The following RPL15 variants were observed in gnomAD, a reference collection of about 807,000 sequenced individuals.
The protein encoded by RPL15 is ribosomal protein L15.
For synonymous variants in RPL15, 97 were observed against 95.1 expected, an observed-to-expected ratio of 1.02 and a Z score of -0.12; for missense variants, 161 against 271.8, an observed-to-expected ratio of 0.59 and a Z score of 2.87.
downstream of RPL15, chr3:23,921,857 G>A (rs1334197730): frequency 3.6e-5 from 18 of 503,388 alleles, no homozygotes; most frequent in East Asian, 2.4e-4. Context: ...TTACAGGCGT[G>A]AGCCACCACC....
chr3:23,916,924 C>A (rs1042950150), upstream of RPL15: 1 of 152,716 alleles, frequency 6.5e-6, no homozygotes, highest in Admixed American at 6.5e-5. Flanking sequence ...TCGCCGCCAA[C>A]TCTCTCACCT....
intron 1 of RPL15, 187 bp from the exon 2 acceptor site, chr3:23,917,663 G>A: frequency 1.7e-6 from 1 of 585,944 alleles, no homozygotes; most frequent in Non-Finnish European, 3.0e-6. Flanking sequence ...TGGGGTTGCG[G>A]AAGTGACTGA....
At chr3:23,919,150 A>C in intron 3 of RPL15, 46 bp from the exon 4 acceptor site, 1 of 1,337,200 alleles carries the variant, frequency 7.5e-7, no homozygotes, top group African/African-American at 1.4e-5. Context: ...ACTTGCTGCT[A>C]TAGGCAATGT....
At position 23,920,531 on chromosome 3, in the gene RPL15, G is replaced by GTCT; in HGVS notation, c.*1033_*1035dup. 1.0e-6 allele frequency: 1 copy of GTCT among 985,284 alleles called. No homozygotes were observed. Among genetic ancestry groups the GTCT allele is most frequent in the Non-Finnish European group, 1.2e-6 (1 of 829,862 alleles). The allele number at this position is 985,284 out of a possible 1,614,324, so 61.0% of individuals were successfully genotyped here. Reference sequence around the variant, plus strand: ...CACATTGCATTTCTGTTTGCACCATGTCTTCCAGGAGACTAGACTACTGTT... The same window carrying GTCT: ...CACATTGCATTTCTGTTTGCACCATGTCTTCTTCCAGGAGACTAGACTACTGTT... On this transcript the variant is annotated 3_prime_UTR_variant, in exon 4 of 4. Coordinates refer to ENST00000307839, the MANE Select transcript of RPL15 (RefSeq NM_002948.5).
chr3:23,920,861 A>AT lies in RPL15; in HGVS notation c.*1366dup, dbSNP rs1421256043. The AT allele has an allele frequency of 1.1e-5, 9 of 831,990 alleles. No homozygotes were observed. Among genetic ancestry groups the AT allele is most frequent in the African/African-American group, 1.8e-5 (1 of 54,168 alleles). 51.5% of individuals were successfully genotyped at this position (831,990 alleles called of 1,614,324 possible). A position where few individuals can be genotyped will look rare whatever the true frequency, so the allele number is the denominator to read the frequency against. On this transcript the variant is annotated 3_prime_UTR_variant, in exon 4 of 4. Coordinates refer to ENST00000307839, the MANE Select transcript of RPL15 (RefSeq NM_002948.5). ...AACTAAAACAAATGGACCTTCTGTT[A>AT]TTTTTTGTCATCTTACAGTGCTAAT... is the stretch of plus-strand genomic sequence containing the variant.
chr3:23,919,092 G>A, intron 3 of RPL15, 104 bp from the exon 4 acceptor site: 1 of 752,422 alleles, frequency 1.3e-6, no homozygotes, highest in Admixed American at 2.4e-5. Flanking sequence ...AGTAGTAAAA[G>A]ACTCTTGTCT....
chr3:23,919,773 A>G lies in RPL15; in HGVS notation c.*272A>G. 3 of 1,145,508 alleles carry G rather than the reference A, an allele frequency of 2.6e-6. No homozygotes were observed. The highest frequency in any genetic ancestry group is 3.2e-6 in the Non-Finnish European group (3 of 932,424). The allele number at this position is 1,145,508 out of a possible 1,614,324, so 71.0% of individuals were successfully genotyped here. A position where few individuals can be genotyped will look rare whatever the true frequency, so the allele number is the denominator to read the frequency against. On this transcript the variant is annotated 3_prime_UTR_variant, in exon 4 of 4. Transcript: ENST00000307839. ...CTGTGTGGTATAACAGGCTTAATAA[A>G]TTCTTTAAAAGGAGAGAACTGAAAC...
At chr3:23,924,443 C>T (rs1705173393), downstream of RPL15, 1 of 152,202 alleles carries the variant, frequency 6.6e-6, no homozygotes, top group Non-Finnish European at 1.5e-5. Flanking sequence ...GAGTCTCTGT[C>T]ACCCAGGCTG....
chr3:23,921,578 T>G (rs972798104), downstream of RPL15: 176 of 669,234 alleles, frequency 2.6e-4, no homozygotes, highest in Middle Eastern at 7.7e-4. Flanking sequence ...GAGTTTTTTT[T>G]TTTTTTTTTT....
In RPL15 at chr3:23,919,566, G is replaced by A; in HGVS notation, c.*65G>A. 1 of 1,439,488 alleles carries A rather than the reference G, an allele frequency of 6.9e-7. No individual in the cohort carries two copies. Among genetic ancestry groups the A allele is most frequent in the Non-Finnish European group, 9.1e-7 (1 of 1,100,938 alleles). 89.2% of individuals were successfully genotyped at this position (1,439,488 alleles called of 1,614,324 possible). ...TTAGGACAGTCATGTCTGCTTACAGGTGTTATTTGTCTGTTAAAACTAGTC... is the reference window on the plus strand; with the variant it reads ...TTAGGACAGTCATGTCTGCTTACAGATGTTATTTGTCTGTTAAAACTAGTC... On this transcript the variant is annotated 3_prime_UTR_variant, in exon 4 of 4. Transcript: ENST00000307839.
chr3:23,918,613 C>G (rs1169874831), intron 3 of RPL15, 37 bp downstream of exon 3: 2 of 1,599,172 alleles, frequency 1.3e-6, no homozygotes, highest in Admixed American at 1.7e-5. Context: ...TTGAATACTG[C>G]CTGGGGATGG....
chr3:23,918,632 A>AC, intron 3 of RPL15, 56 bp downstream of exon 3: 2 of 1,575,646 alleles, frequency 1.3e-6, no homozygotes, highest in Non-Finnish European at 8.6e-7. Context: ...GGTGGGAGAG[A>AC]GAGATTAAGC....
In RPL15 at chr3:23,919,339, C is replaced by G. The variant is rs1442913572; in HGVS notation, c.453C>G (p.Ile151Met). Reference protein sequence around the residue: ...AIRRNPDTQWITKPVHKHREM... With the variant: ...AIRRNPDTQWMTKPVHKHREM... ...GAAGAAATCCTGACACCCAGTGGATCACCAAACCAGTCCACAAGCACAGGG... is the reference window on the plus strand; with the variant it reads ...GAAGAAATCCTGACACCCAGTGGATGACCAAACCAGTCCACAAGCACAGGG... Residue 151 changes from isoleucine to methionine, a missense_variant, in exon 4 of 4, where the codon ATC (isoleucine) becomes ATG (methionine). Coordinates refer to ENST00000307839, the MANE Select transcript of RPL15 (RefSeq NM_002948.5). The G allele has an allele frequency of 5.0e-6, 8 of 1,602,578 alleles. No homozygotes were observed. The highest frequency in any genetic ancestry group is 5.1e-6 in the Non-Finnish European group (6 of 1,179,468).
chr3:23,918,979 AGAGGGAATGAT>A, intron 3 of RPL15: 1 of 589,554 alleles, frequency 1.7e-6, no homozygotes, highest in East Asian at 2.8e-5. Context: ...TGGAGTATTA[AGAGGGAATGAT>A]GTGTTTCAGT....
chr3:23,922,302 T>G (rs1705116696), downstream of RPL15: 1 of 152,250 alleles, frequency 6.6e-6, no homozygotes, highest in African/African-American at 2.4e-5. The surrounding 1 kb of genome is among the most constrained non-coding windows in gnomAD (Gnocchi z 4.2). Context: ...TATTAATCCT[T>G]TTTTGCCAAT....
At chr3:23,917,429 G>A (rs985619247) in intron 1 of RPL15, 1 of 154,438 alleles carries the variant, frequency 6.5e-6, no homozygotes, top group Admixed American at 6.5e-5. Flanking sequence ...GGGCGCCCGG[G>A]ACAAGGCAGC....
upstream of RPL15, chr3:23,916,687 C>A (rs1307105280): frequency 1.3e-5 from 2 of 152,524 alleles, no homozygotes; most frequent in African/African-American, 4.8e-5. Context: ...CAGATTTCTG[C>A]GCCCGTCGTG....
chr3:23,917,412 A>T (rs1014614450), intron 1 of RPL15: 1 of 153,668 alleles, frequency 6.5e-6, no homozygotes, highest in Admixed American at 6.5e-5. Context: ...CGTGGGGCTG[A>T]CGAATGGGGC....
rs368646822 is a variant in RPL15 at position 23,919,189 on chromosome 3, A to G, written c.310-7A>G. The G allele has an allele frequency of 4.3e-6, 7 of 1,610,100 alleles. No homozygotes were observed. Among genetic ancestry groups the G allele is most frequent in the South Asian group, 1.1e-5 (1 of 90,982 alleles). ...AGATTGACCTTGGGCCTTTTTTCCT[A>G]TTCTAGGAGCGAGCTGGACGCCACT... On this transcript the variant is annotated splice_polypyrimidine_tract_variant and splice_region_variant and intron_variant, in intron 3 of 3. Coordinates refer to ENST00000307839, the MANE Select transcript of RPL15 (RefSeq NM_002948.5).
Sources: gnomAD v4.1 joint callset for allele counts on GRCh38, gnomAD v4.1.1 for gene constraint, Gnocchi (gnomAD v3.1) non-coding constraint, MANE v1.5 for transcripts, NCBI Gene and HGNC (gene_info 2026-07-23, HGNC 2026-07-21) for gene names.